Variants in CRYBG1 observed in about 807,000 individuals in gnomAD.
CRYBG1 encodes beta/gamma crystallin domain-containing protein 1.
Under a neutral mutation model 189.2 loss-of-function variants are expected in CRYBG1, and 139 were observed. The ratio of observed to expected loss-of-function variants is 0.73; its 90% confidence interval spans 0.64 to 0.85. The LOEUF (loss-of-function observed/expected upper bound fraction) is 0.85, where lower values mean the gene tolerates loss of function less well. Among genes scored for constraint, CRYBG1 ranks in the 40% least tolerant of loss-of-function variants. The pLI, the probability that CRYBG1 is intolerant of heterozygous loss-of-function variation, is 0.00. For synonymous variants in CRYBG1, 1,023 were observed against 1,017.1 expected (o/e 1.01, Z -0.11); for missense variants, 2,611 against 2,675.8 (o/e 0.98, Z 0.53).
intron 4 of CRYBG1, 109 bp from the exon 5 acceptor site, chr6:106,525,024 C>A: frequency 9.1e-7 from 1 of 1,102,692 alleles, no homozygotes; most frequent in Non-Finnish European, 1.4e-6. Context: ...GTTTCAAAAT[C>A]GATACAATGT....
intron 3 of CRYBG1, among the ~76,000 whole-genome samples, chr6:106,514,847 A>C (rs1773381781): frequency 6.6e-6 from 1 of 152,228 alleles, no homozygotes; most frequent in South Asian, 2.1e-4. Flanking sequence ...AATTTTCTTT[A>C]CCAGACATTC....
intron 1 of CRYBG1, among the ~76,000 whole-genome samples, chr6:106,383,966 C>G (rs1315541549): frequency 2.6e-5 from 4 of 152,330 alleles, no homozygotes; most frequent in East Asian, 1.9e-4. Flanking sequence ...AAAAAAGAAG[C>G]TTCCTTGTTC....
intron 1 of CRYBG1, among the ~76,000 whole-genome samples, chr6:106,440,564 G>T (rs79231930): frequency 6.6e-6 from 1 of 151,996 alleles, no homozygotes; most frequent in Non-Finnish European, 1.5e-5. Flanking sequence ...ACTGCACCCG[G>T]CCCCTTTCTT....
In CRYBG1 at chr6:106,512,275, G is replaced by T; in HGVS notation, c.1158G>T (p.Glu386Asp). 6.4e-7 allele frequency: 1 copy of T among 1,571,296 alleles called. No homozygotes were observed. The highest frequency in any genetic ancestry group is 8.6e-7 in the Non-Finnish European group (1 of 1,162,070). The change falls in exon 3 of 22, where the codon GAG becomes GAT. Residue 386 changes from glutamate (E) to aspartate (D), a missense_variant. By Grantham distance (45) the Glu-to-Asp change is conservative. Around this residue, in one of 3 missense-constraint regions of CRYBG1, gnomAD observed 985 missense variants for 924.4 expected, o/e 1.07. Transcript: ENST00000633556. Reference protein sequence around the residue: ...LTLDIYLSKTEGAQVDEPVVI... With the variant: ...LTLDIYLSKTDGAQVDEPVVI... ...TGGACATCTACTTGAGTAAGACTGA[G>T]GGGGCACAAGTGGACGAGCCGGTCG...
At chr6:106,401,304 G>T (rs953796310) in intron 1 of CRYBG1, among the ~76,000 whole-genome samples, 1 of 151,580 alleles carries the variant, frequency 6.6e-6, no homozygotes, top group African/African-American at 2.4e-5. Context: ...TACAGAGAGG[G>T]TATAACCTTC....
chr6:106,501,902 T>C (rs1217076655), intron 2 of CRYBG1, among the ~76,000 whole-genome samples: 1 of 152,228 alleles, frequency 6.6e-6, no homozygotes, highest in Non-Finnish European at 1.5e-5. Context: ...CTTACAAACA[T>C]GGCTAAACTG....
chr6:106,509,353 C>G (rs1231763733), intron 2 of CRYBG1, among the ~76,000 whole-genome samples: 2 of 152,164 alleles, frequency 1.3e-5, no homozygotes, highest in Non-Finnish European at 2.9e-5. Flanking sequence ...TAAAATAATC[C>G]AAATGTTTCC....
rs1426762970 is a variant in CRYBG1 at position 106,544,869 on chromosome 6, G to A, written c.5248G>A (p.Val1750Ile). The A allele has an allele frequency of 6.2e-7, 1 of 1,613,660 alleles. No homozygotes were observed. Among genetic ancestry groups the A allele is most frequent in the Non-Finnish European group, 8.5e-7 (1 of 1,179,794 alleles). The part of the protein sequence containing the change: ...KGSSIDVLGI[V>I]ANLKETGYGV... Reference sequence around the variant, plus strand: ...TTCCAGTATTGATGTATTGGGAATTGTTGCTAATTTAAAGGAGACTGGATA... The same window carrying A: ...TTCCAGTATTGATGTATTGGGAATTATTGCTAATTTAAAGGAGACTGGATA... Residue 1750 changes from valine to isoleucine, a missense_variant, in exon 13 of 22, where the codon GTT becomes ATT. Physicochemically the swap from Val to Ile is conservative, Grantham distance 29 (BLOSUM62 3). This residue lies in a region of CRYBG1 where 1,622 missense variants were observed against 1,735.0 expected (regional missense o/e 0.93). Coordinates refer to ENST00000633556, the MANE Select transcript of CRYBG1 (RefSeq NM_001371242.2).
chr6:106,367,263 T>C (rs1331815072), intron 1 of CRYBG1, among the ~76,000 whole-genome samples: 1 of 152,120 alleles, frequency 6.6e-6, no homozygotes. Context: ...GAAACTTGAG[T>C]TCACTTCTTT....
intron 8 of CRYBG1, among the ~76,000 whole-genome samples, chr6:106,535,697 C>A (rs1773989452): frequency 6.6e-6 from 1 of 151,334 alleles, no homozygotes; most frequent in East Asian, 1.9e-4. Context: ...TGTTCTGTCT[C>A]TTTTAAGTCT....
At chr6:106,386,594 T>G (rs1170383616) in intron 1 of CRYBG1, among the ~76,000 whole-genome samples, 1 of 150,966 alleles carries the variant, frequency 6.6e-6, no homozygotes, top group African/African-American at 2.4e-5. Context: ...CGTGCATCAC[T>G]GCCCCAGCTC....
intron 2 of CRYBG1, among the ~76,000 whole-genome samples, chr6:106,472,448 ACTAT>A (rs1562316343): frequency 6.6e-6 from 1 of 152,210 alleles, no homozygotes; most frequent in Non-Finnish European, 1.5e-5. Flanking sequence ...TTGAATAAAA[ACTAT>A]CTAAAGATGT....
chr6:106,548,733 CT>C (rs964540403), intron 13 of CRYBG1, among the ~76,000 whole-genome samples: 5 of 150,560 alleles, frequency 3.3e-5, no homozygotes, highest in African/African-American at 1.2e-4. Context: ...CGTAGATTTT[CT>C]TTTTTTTTAA....
Position 106,366,860 on chromosome 6 carries a change from G to A in CRYBG1, c.173+5779G>A, listed in dbSNP as rs6915217. ...TGTTGTCTTTATAGTAATGGTAGTA[G>A]TATTAATACATACATTGTTACTTTG... On this transcript the variant is annotated intron_variant, in intron 1 of 21. Coordinates refer to ENST00000633556, the MANE Select transcript of CRYBG1 (RefSeq NM_001371242.2). Among the ~76,000 whole-genome samples the A allele has an allele frequency of 5.3e-3, 814 of 152,320 alleles. 5 individuals carry two copies. Among genetic ancestry groups the A allele is most frequent in the African/African-American group, 0.019 (797 of 41,572 alleles).
chr6:106,491,151 G>A (rs1391646543), intron 2 of CRYBG1, among the ~76,000 whole-genome samples: 9 of 152,108 alleles, frequency 5.9e-5, no homozygotes, highest in East Asian at 3.9e-4. Context: ...CTCACAAGTC[G>A]TGTCAGAGCA....
At chr6:106,372,060 A>G (rs903686136) in intron 1 of CRYBG1, among the ~76,000 whole-genome samples, 2 of 152,128 alleles carry the variant, frequency 1.3e-5, no homozygotes, top group African/African-American at 4.8e-5. Flanking sequence ...CTGCTTTCTC[A>G]CTGCAGGATT....
intron 21 of CRYBG1, among the ~76,000 whole-genome samples, chr6:106,566,991 T>C (rs1033605421): frequency 2.0e-5 from 3 of 152,150 alleles, no homozygotes; most frequent in African/African-American, 7.2e-5. Flanking sequence ...ATGTTCACTT[T>C]AAAAAACATG....
At chr6:106,415,618 C>G (rs1771007605) in intron 1 of CRYBG1, among the ~76,000 whole-genome samples, 1 of 151,860 alleles carries the variant, frequency 6.6e-6, no homozygotes, top group South Asian at 2.1e-4. Flanking sequence ...CCCAGCTACT[C>G]AGGATACTGA....
chr6:106,433,195 C>T (rs1771369842), intron 1 of CRYBG1, among the ~76,000 whole-genome samples: 1 of 152,138 alleles, frequency 6.6e-6, no homozygotes. Context: ...AAAAATAAAA[C>T]AACTCTTATT....
Sources: allele counts gnomAD v4.1 joint callset (sites outside exome capture counted in the v4.1 genomes callset), GRCh38; gene constraint gnomAD v4.1.1; regional missense constraint gnomAD v4.1.1; transcripts MANE v1.5; gene names NCBI Gene and HGNC (gene_info 2026-07-23, HGNC 2026-07-21).